The following ADGRL2 variants were observed in gnomAD, a reference collection of about 807,000 sequenced individuals.
ADGRL2 encodes the protein calcium-independent alpha-latrotoxin receptor 2.
A neutral mutation model predicts 157.4 loss-of-function variants in ADGRL2; 44 were observed. That is an observed-to-expected ratio of 0.28 (90% CI 0.22 to 0.36). The LOEUF is 0.36. ADGRL2 is among the 10% of genes least tolerant of loss of function. ADGRL2 has a pLI of 1.00. For missense variants in ADGRL2, 1,510 were observed against 1,768.9 expected (o/e 0.85, Z 2.63); for synonymous variants, 585 against 624.7 (o/e 0.94, Z 0.95).
At chr1:81,730,590 G>A (rs938647507) in intron 1 of ADGRL2, among the ~76,000 whole-genome samples, 1 of 152,028 alleles carries the variant, frequency 6.6e-6, no homozygotes, top group African/African-American at 2.4e-5. Flanking sequence ...GGGTGTGGTG[G>A]TACATGCTTA....
intron 3 of ADGRL2, among the ~76,000 whole-genome samples, chr1:81,924,675 C>A (rs953048078): frequency 1.3e-5 from 2 of 151,980 alleles, no homozygotes; most frequent in African/African-American, 2.4e-5. Flanking sequence ...TTGGAGAAAA[C>A]CCTCAGGTTG....
At chr1:81,685,950 A>G (rs2083220229) in intron 3 of ADGRL2, among the ~76,000 whole-genome samples, 1 of 152,144 alleles carries the variant, frequency 6.6e-6, no homozygotes. Context: ...ATTGACTTGT[A>G]TATGTTAAAC....
intron 1 of ADGRL2, among the ~76,000 whole-genome samples, chr1:81,381,906 A>G (rs2076351494): frequency 6.6e-6 from 1 of 152,154 alleles, no homozygotes. Flanking sequence ...CTTTTATCCT[A>G]TATAAAAACA....
intron 3 of ADGRL2, among the ~76,000 whole-genome samples, chr1:81,922,345 C>T (rs1040072679): frequency 2.0e-5 from 3 of 152,102 alleles, no homozygotes; most frequent in African/African-American, 7.2e-5. Context: ...TCCCTCCTTT[C>T]ACTTAAGCTA....
At chr1:81,766,446 T>A (rs2149327455) in intron 2 of ADGRL2, among the ~76,000 whole-genome samples, 1 of 152,310 alleles carries the variant, frequency 6.6e-6, no homozygotes, top group Non-Finnish European at 1.5e-5. Flanking sequence ...TGTTATTGAA[T>A]TGTATTACAT....
At position 81,836,981 on chromosome 1, in the gene ADGRL2, A is replaced by G; in HGVS notation, c.-4A>G. ...TACAAAGAAAATACTTAAAGGGATC[A>G]ATAATGGTGTCTTCTGGTTGCAGAA... On this transcript the variant is annotated 5_prime_UTR_variant, in exon 2 of 24. Coordinates refer to ENST00000686636, the MANE Select transcript of ADGRL2 (RefSeq NM_001366006.2). The G allele has an allele frequency of 1.3e-6, 2 of 1,571,876 alleles. No homozygotes were observed. Among genetic ancestry groups the G allele is most frequent in the South Asian group, 2.3e-5 (2 of 85,668 alleles).
At chr1:81,595,789 T>C (rs756594814) in intron 3 of ADGRL2, among the ~76,000 whole-genome samples, 1 of 152,346 alleles carries the variant, frequency 6.6e-6, no homozygotes, top group African/African-American at 2.4e-5. Context: ...CTGAGTGTCT[T>C]AGTCCATTTG....
intron 1 of ADGRL2, among the ~76,000 whole-genome samples, chr1:81,373,578 G>T (rs1374323149): frequency 1.3e-5 from 2 of 152,120 alleles, no homozygotes; most frequent in Non-Finnish European, 2.9e-5. Context: ...AATATAACTA[G>T]CATAAAGTAT....
chr1:81,439,679 G>C (rs1447082842), intron 1 of ADGRL2, among the ~76,000 whole-genome samples: 6 of 152,230 alleles, frequency 3.9e-5, no homozygotes, highest in Non-Finnish European at 8.8e-5. Context: ...CAACTCCGAA[G>C]CCCCAGAGGA....
chr1:81,721,156 G>A (rs2149124855), intron 1 of ADGRL2, among the ~76,000 whole-genome samples: 1 of 149,990 alleles, frequency 6.7e-6, no homozygotes, highest in Non-Finnish European at 1.5e-5. Context: ...ACGGGTGTGA[G>A]CCACCGCACC....
In ADGRL2 at chr1:81,990,855, C is replaced by T; in HGVS notation, c.4120C>T (p.Gln1374Ter). 6.2e-7 allele frequency: 1 copy of T among 1,614,098 alleles called. No homozygotes were observed. ...QLTAEAEDHL[Q>*]SPNRDSLYTS... ...GACAGCAGAGGCTGAAGATCACCTA[C>T]AGTCCCCCAACAGAGACTCTCTTTA... is the stretch of plus-strand genomic sequence containing the variant. The change falls in exon 24 of 24, where the codon CAG becomes TAG. Residue 1374 changes from glutamine (Q) to a stop codon, truncating the protein, a stop_gained. Coordinates refer to ENST00000686636, the MANE Select transcript of ADGRL2 (RefSeq NM_001366006.2). LOFTEE classifies it high-confidence loss of function.
At chr1:81,544,129 A>G (rs2079956380) in intron 2 of ADGRL2, among the ~76,000 whole-genome samples, 1 of 152,024 alleles carries the variant, frequency 6.6e-6, no homozygotes, top group African/African-American at 2.4e-5. Flanking sequence ...CCCTGGATCC[A>G]CTGCATTTAT....
In ADGRL2 at chr1:81,383,788, T is replaced by C. The variant is rs748438708; in HGVS notation, c.-301-61248T>C. Among the ~76,000 whole-genome samples, 223 of 104,578 alleles carry C rather than the reference T, an allele frequency of 2.1e-3. 2 individuals carry two copies. Among genetic ancestry groups the C allele is most frequent in the African/African-American group, 4.6e-3 (127 of 27,900 alleles). 68.6% of individuals were successfully genotyped at this position (104,578 alleles called of 152,430 possible). ...GACCATCCTGGCTAACACGGTGAAC[T>C]CCCATCTCTACTAAAAATACAAAAA... is the stretch of plus-strand genomic sequence containing the variant. On this transcript the variant is annotated intron_variant, in intron 1 of 24. Transcript: ENST00000370721.
At chr1:81,921,390 T>G (rs2094975075) in intron 3 of ADGRL2, among the ~76,000 whole-genome samples, 1 of 152,178 alleles carries the variant, frequency 6.6e-6, no homozygotes, top group African/African-American at 2.4e-5. Flanking sequence ...TAAAATTGCT[T>G]AATAGATTTT....
chr1:81,687,824 G>T (rs996622252), intron 3 of ADGRL2, among the ~76,000 whole-genome samples: 1 of 152,142 alleles, frequency 6.6e-6, no homozygotes, highest in African/African-American at 2.4e-5. Flanking sequence ...TTCCTTTCAA[G>T]GTTTAGAGCT....
chr1:81,604,109 G>A (rs751582961), intron 3 of ADGRL2, among the ~76,000 whole-genome samples: 22 of 151,794 alleles, frequency 1.4e-4, no homozygotes, highest in Non-Finnish European at 2.6e-4. Flanking sequence ...GATTACAGGC[G>A]CATGCCACCA....
intron 2 of ADGRL2, among the ~76,000 whole-genome samples, chr1:81,461,738 A>C (rs1302436844): frequency 6.6e-6 from 1 of 152,176 alleles, no homozygotes; most frequent in Non-Finnish European, 1.5e-5. Context: ...GTAATTCATC[A>C]TTCAAAATCT....
At chr1:81,639,817 GT>G (rs2082184669) in intron 3 of ADGRL2, among the ~76,000 whole-genome samples, 1 of 152,044 alleles carries the variant, frequency 6.6e-6, no homozygotes, top group Non-Finnish European at 1.5e-5. Context: ...TTCACAATCG[GT>G]AGTTTCTGCA....
intron 2 of ADGRL2, among the ~76,000 whole-genome samples, chr1:81,848,189 T>C (rs1056597317): frequency 6.6e-6 from 1 of 151,906 alleles, no homozygotes; most frequent in Non-Finnish European, 1.5e-5. Context: ...TAAAGTAAAT[T>C]TATTTCTTAA....
Sources: gnomAD v4.1 joint callset for allele counts (sites outside exome capture counted in the v4.1 genomes callset) on GRCh38, gnomAD v4.1.1 for gene constraint, MANE v1.5 for transcripts, NCBI Gene and HGNC (gene_info 2026-07-23, HGNC 2026-07-21) for gene names.